Variants in CSMD1 observed in about 807,000 individuals in gnomAD.
CSMD1 encodes the protein CUB and sushi domain-containing protein 1.
A neutral mutation model predicts 417.5 loss-of-function variants in CSMD1; 213 were observed. The ratio of observed to expected loss-of-function variants is 0.51; its 90% CI spans 0.46 to 0.57. The LOEUF (loss-of-function observed/expected upper bound fraction) is 0.57. Ranked by LOEUF, CSMD1 falls within the 20% of genes least tolerant of loss-of-function variation. The pLI is 0.00. For missense variants in CSMD1, 6,923 were observed against 4,529.7 expected (o/e 1.53, Z -15.17); for synonymous variants, 2,862 against 1,736.8 (o/e 1.65, Z -16.11).
Position 4,650,538 on chromosome 8 carries a change from C to T in CSMD1, c.86-12980G>A, listed in dbSNP as rs188133576. Among the ~76,000 whole-genome samples the T allele has an allele frequency of 9.2e-5, 14 of 151,966 alleles. No individual in the cohort carries two copies. The East Asian group carries it at 2.3e-3, about 25-fold the overall frequency. On this transcript the variant is annotated intron_variant, in intron 1 of 69. Transcript: ENST00000635120. ...CTCTTATTTTAGCTTGGTTTTGCGACGTGATGCTTCTGCAGAAACAACGCA... is the reference window on the plus strand; with the variant it reads ...CTCTTATTTTAGCTTGGTTTTGCGATGTGATGCTTCTGCAGAAACAACGCA...
intron 1 of CSMD1, among the ~76,000 whole-genome samples, chr8:4,867,096 A>C (rs1802462285): frequency 6.6e-6 from 1 of 152,082 alleles, no homozygotes; most frequent in Non-Finnish European, 1.5e-5. Flanking sequence ...TAAGAAAATA[A>C]AGTGACCCTT....
chr8:4,935,100 T>G (rs886680904), intron 1 of CSMD1, among the ~76,000 whole-genome samples: 11 of 152,232 alleles, frequency 7.2e-5, no homozygotes, highest in Non-Finnish European at 1.5e-5. Context: ...TGATCAGGAT[T>G]CTGCCTTCAT....
intron 25 of CSMD1, among the ~76,000 whole-genome samples, chr8:3,307,471 T>C (rs1306795459): frequency 1.3e-5 from 2 of 152,202 alleles, no homozygotes; most frequent in Admixed American, 1.3e-4. Context: ...AGAAGCTAAC[T>C]GATACACTCT....
chr8:3,882,605 G>C (rs1806281184), intron 5 of CSMD1, among the ~76,000 whole-genome samples: 1 of 152,140 alleles, frequency 6.6e-6, no homozygotes, highest in African/African-American at 2.4e-5. Context: ...AGCACTATTT[G>C]TAACCTTTGC....
chr8:2,978,575 G>A lies in CSMD1; in HGVS notation c.8566+37C>T, dbSNP rs1483985725. On this transcript the variant is annotated intron_variant, in intron 55 of 69. Transcript: ENST00000635120. ...TTTCTGCTGATGGTGACCTTGCAGGGGTCTCTGCACAGAAATTGGGAATAA... is the reference window on the plus strand; with the variant it reads ...TTTCTGCTGATGGTGACCTTGCAGGAGTCTCTGCACAGAAATTGGGAATAA... 2.7e-6 allele frequency: 4 copies of A among 1,505,258 alleles called. No individual in the cohort carries two copies. The East Asian group carries it at 7.5e-5, about 28-fold the overall frequency. 93.2% of individuals were successfully genotyped at this position (1,505,258 alleles called of 1,614,324 possible). A position where few individuals can be genotyped will look rare whatever the true frequency, so the allele number is the denominator to read the frequency against.
At chr8:2,983,542 G>A (rs1287391541) in intron 54 of CSMD1, among the ~76,000 whole-genome samples, 1 of 152,016 alleles carries the variant, frequency 6.6e-6, no homozygotes, top group Non-Finnish European at 1.5e-5. Context: ...ATTACTTAAC[G>A]ATAATTATAG....
chr8:3,837,309 G>T (rs1250305158), intron 5 of CSMD1, among the ~76,000 whole-genome samples: 1 of 152,144 alleles, frequency 6.6e-6, no homozygotes, highest in African/African-American at 2.4e-5. Flanking sequence ...AAGAAAATTA[G>T]ATTGCAACTA....
At chr8:4,917,446 A>T (rs1326591344) in intron 1 of CSMD1, among the ~76,000 whole-genome samples, 1 of 152,136 alleles carries the variant, frequency 6.6e-6, no homozygotes, top group Non-Finnish European at 1.5e-5. Flanking sequence ...CACCCTGGCT[A>T]ACACGGTGAA....
intron 1 of CSMD1, among the ~76,000 whole-genome samples, chr8:4,835,082 G>T (rs368711176): frequency 1.3e-5 from 2 of 151,054 alleles, no homozygotes; most frequent in Admixed American, 1.3e-4. Context: ...TTTCTTCACT[G>T]CCCTATAGAT....
At chr8:4,010,470 T>C (rs773648608) in intron 4 of CSMD1, among the ~76,000 whole-genome samples, 9 of 152,062 alleles carry the variant, frequency 5.9e-5, no homozygotes, top group Non-Finnish European at 1.0e-4. Context: ...CCTCTTTGAT[T>C]AATTCTCCCC....
intron 3 of CSMD1, among the ~76,000 whole-genome samples, chr8:4,086,566 C>A (rs141468864): frequency 1.2e-3 from 176 of 152,316 alleles, no homozygotes; most frequent in Middle Eastern, 3.4e-3. Context: ...CACAGAGTTA[C>A]ATCCAATCTC....
chr8:3,973,601 G>A (rs957754985), intron 5 of CSMD1, among the ~76,000 whole-genome samples: 1 of 152,144 alleles, frequency 6.6e-6, no homozygotes, highest in South Asian at 2.1e-4. Context: ...AAGGGAAAGA[G>A]AAACAATTTC....
intron 1 of CSMD1, among the ~76,000 whole-genome samples, chr8:4,824,923 G>T (rs143340724): frequency 6.6e-6 from 1 of 152,066 alleles, no homozygotes; most frequent in African/African-American, 2.4e-5. Context: ...AAATGCTAAC[G>T]TAAAGCCAAG....
chr8:4,908,378 G>A (rs1012043529), intron 1 of CSMD1, among the ~76,000 whole-genome samples: 7 of 152,086 alleles, frequency 4.6e-5, no homozygotes, highest in South Asian at 4.1e-4. Context: ...GACCTTCTTG[G>A]TTCTGTAGTT....
chr8:3,832,614 G>C (rs1324298093), intron 5 of CSMD1, among the ~76,000 whole-genome samples: 3 of 152,048 alleles, frequency 2.0e-5, no homozygotes, highest in East Asian at 1.9e-4. Context: ...TGATGGCATG[G>C]GTTCTTGAAG....
chr8:3,533,685 T>G (rs1037211388), intron 10 of CSMD1, among the ~76,000 whole-genome samples: 1 of 152,144 alleles, frequency 6.6e-6, no homozygotes, highest in Non-Finnish European at 1.5e-5. Context: ...TAACACTTAT[T>G]TCACCACACG....
chr8:3,632,483 G>A (rs934796521), intron 7 of CSMD1, among the ~76,000 whole-genome samples: 13 of 152,104 alleles, frequency 8.5e-5, no homozygotes, highest in Admixed American at 3.9e-4. Context: ...TCATTAACAT[G>A]TCATGATAAA....
At chr8:4,113,389 GCTTT>G (rs1330803054) in intron 3 of CSMD1, among the ~76,000 whole-genome samples, 22 of 93,418 alleles carry the variant, frequency 2.4e-4, no homozygotes, top group African/African-American at 7.6e-4. Context: ...AAATAAAAGG[GCTTT>G]TTTTTTTTTT....
rs552792857 is a variant in CSMD1 at position 4,139,771 on chromosome 8, A to T, written c.416-107672T>A. Among the ~76,000 whole-genome samples the T allele has an allele frequency of 3.3e-5, 5 of 151,206 alleles. No homozygotes were observed. The South Asian group carries it at 8.3e-4, about 25-fold the overall frequency. Reference sequence around the variant, plus strand: ...AACCCAGCAGGGCACAATCACTTAGATGTTTGCACACTGAGCTCAGTGTTC... The same window carrying T: ...AACCCAGCAGGGCACAATCACTTAGTTGTTTGCACACTGAGCTCAGTGTTC... On this transcript the variant is annotated intron_variant, in intron 3 of 69. Transcript: ENST00000635120.
Sources: allele counts gnomAD v4.1 joint callset (sites outside exome capture counted in the v4.1 genomes callset), GRCh38; gene constraint gnomAD v4.1.1; transcripts MANE v1.5; gene names NCBI Gene and HGNC (gene_info 2026-07-23, HGNC 2026-07-21).